PPP2R2D: variants seen among roughly 807,000 people sequenced by gnomAD.
The protein encoded by PPP2R2D is protein phosphatase 2 regulatory subunit Bdelta, also known as serine/threonine-protein phosphatase 2A 55 kDa regulatory subunit B delta isoform.
PPP2R2D carries 9 observed loss-of-function variants against 31.1 expected under a neutral mutation model. That is an observed-to-expected ratio of 0.29 (90% CI 0.17 to 0.51). The LOEUF (loss-of-function observed/expected upper bound fraction) is 0.51, where lower values mean the gene tolerates loss of function less well. Ranked by LOEUF, PPP2R2D falls within the 20% of genes least tolerant of loss-of-function variation. The pLI, the probability that PPP2R2D is intolerant of heterozygous loss-of-function variation, is 0.98. For missense variants in PPP2R2D, 391 were observed against 465.6 expected, an observed-to-expected ratio of 0.84 and a Z score of 1.48; for synonymous variants, 179 against 172.6, an observed-to-expected ratio of 1.04 and a Z score of -0.29.
chr10:131,939,125 GGC>G (rs2036396133), intron 3 of PPP2R2D, among the ~76,000 whole-genome samples: 1 of 147,616 alleles, frequency 6.8e-6, no homozygotes, highest in Non-Finnish European at 1.5e-5. Context: ...GGCTGCATTC[GGC>G]AGACCTGCTC....
intron 2 of PPP2R2D, chr10:131,912,222 T>C (rs1164809372): frequency 6.6e-6 from 1 of 152,216 alleles, no homozygotes. Context: ...AGGGTCTTAC[T>C]CCTCTGTCAC....
chr10:131,920,186 G>C (rs111558165), intron 2 of PPP2R2D, among the ~76,000 whole-genome samples: 27 of 126,018 alleles, frequency 2.1e-4, no homozygotes, highest in African/African-American at 5.6e-4. Context: ...GTAGGGACCT[G>C]ACGTGGGTGG....
At chr10:131,935,966 G>A (rs1349098996) in intron 3 of PPP2R2D, among the ~76,000 whole-genome samples, 1 of 152,000 alleles carries the variant, frequency 6.6e-6, no homozygotes, top group African/African-American at 2.4e-5. Flanking sequence ...GGGAGGCTGA[G>A]GCAGGAGAAT....
rs540375513 is a variant in PPP2R2D, at chr10:131,945,613, C to G, written c.820+154C>G. 3.0e-5 allele frequency: 24 copies of G among 801,300 alleles called. No individual in the cohort carries two copies. The African/African-American group carries it at 3.6e-4, about 12-fold the overall frequency. 49.6% of individuals were successfully genotyped at this position (801,300 alleles called of 1,614,324 possible). A position where few individuals can be genotyped will look rare whatever the true frequency, so the allele number is the denominator to read the frequency against. ...TAGCTGGGACCACAGGCAGGTGCCA[C>G]CATGCCCAGCTAGTTTTTGTATTTT... On this transcript the variant is annotated intron_variant, in intron 7 of 8. Coordinates refer to ENST00000455566, the MANE Select transcript of PPP2R2D (RefSeq NM_018461.5). The surrounding 1 kb of genome is among the most constrained non-coding windows in gnomAD (Gnocchi z 4.8).
chr10:131,963,376 C>CA (rs2036946217), downstream of PPP2R2D, among the ~76,000 whole-genome samples: 1 of 151,968 alleles, frequency 6.6e-6, no homozygotes, highest in African/African-American at 2.4e-5. Flanking sequence ...GAGGAGGTGA[C>CA]AAAGTCTTGC....
At chr10:131,946,342 C>T (rs1423259420) in intron 7 of PPP2R2D, among the ~76,000 whole-genome samples, 2 of 152,160 alleles carry the variant, frequency 1.3e-5, no homozygotes, top group Non-Finnish European at 2.9e-5. Flanking sequence ...CTGACCCTTC[C>T]TCCAGTGCCA....
chr10:131,963,430 G>A (rs145888576), downstream of PPP2R2D, among the ~76,000 whole-genome samples: 18 of 152,356 alleles, frequency 1.2e-4, no homozygotes, highest in African/African-American at 4.3e-4. Context: ...CTTGTTTCTT[G>A]GGGGGTTACT....
intron 2 of PPP2R2D, among the ~76,000 whole-genome samples, chr10:131,916,553 G>A (rs527246850): frequency 2.0e-3 from 307 of 151,994 alleles, no homozygotes; most frequent in Admixed American, 9.0e-3. Flanking sequence ...CCCTTCCCCG[G>A]CCCCTGGCGA....
intron 5 of PPP2R2D, among the ~76,000 whole-genome samples, chr10:131,943,634 C>G (rs1456645462): frequency 6.6e-6 from 1 of 152,162 alleles, no homozygotes; most frequent in Non-Finnish European, 1.5e-5. Context: ...ACTTTGCTGT[C>G]CAGCGCCTCA....
chr10:131,915,333 T>C (rs1444039319), intron 2 of PPP2R2D, among the ~76,000 whole-genome samples: 1 of 152,180 alleles, frequency 6.6e-6, no homozygotes, highest in Non-Finnish European at 1.5e-5. Context: ...TCCCGTCCTT[T>C]GCAGTAACCT....
intron 2 of PPP2R2D, among the ~76,000 whole-genome samples, chr10:131,920,697 G>A (rs1486951340): frequency 6.6e-6 from 1 of 152,208 alleles, no homozygotes; most frequent in Non-Finnish European, 1.5e-5. Flanking sequence ...GGAGGCTGAG[G>A]TGAGTGGATC....
At chr10:131,946,994 C>G (rs781899992) in intron 7 of PPP2R2D, among the ~76,000 whole-genome samples, 20 of 152,108 alleles carry the variant, frequency 1.3e-4, no homozygotes, top group Admixed American at 2.6e-4. Flanking sequence ...TCAAGGTGGT[C>G]ACTCCTGCAG....
Position 131,956,627 on chromosome 10 carries a change from T to G in PPP2R2D, c.*664T>G. The G allele has an allele frequency of 1.1e-6, 1 of 919,466 alleles. No homozygotes were observed. Among genetic ancestry groups the G allele is most frequent in the Non-Finnish European group, 1.3e-6 (1 of 769,816 alleles). 57.0% of individuals were successfully genotyped at this position (919,466 alleles called of 1,614,324 possible). A position where few individuals can be genotyped will look rare whatever the true frequency, so the allele number is the denominator to read the frequency against. ...GGGTTCTTCTTTGGAACTAACTGTT[T>G]GAGAAATGTGTGTCCTTCTTTGGCA... On this transcript the variant is annotated 3_prime_UTR_variant, in exon 9 of 9. Transcript: ENST00000455566.
intron 2 of PPP2R2D, among the ~76,000 whole-genome samples, chr10:131,928,451 G>A (rs1450741190): frequency 6.6e-6 from 1 of 152,242 alleles, no homozygotes; most frequent in Non-Finnish European, 1.5e-5. Flanking sequence ...CAATGACTCA[G>A]TAATTTTAGG....
At chr10:131,935,371 G>A (rs2036319365) in intron 3 of PPP2R2D, among the ~76,000 whole-genome samples, 1 of 152,142 alleles carries the variant, frequency 6.6e-6, no homozygotes, top group African/African-American at 2.4e-5. Context: ...AGATGAAAGG[G>A]ACAGTTTATC....
At chr10:131,936,958 G>T (rs1435175062) in intron 3 of PPP2R2D, among the ~76,000 whole-genome samples, 4 of 152,236 alleles carry the variant, frequency 2.6e-5, no homozygotes, top group African/African-American at 7.2e-5. Context: ...GGCAGTGCAC[G>T]TGTTCATCCA....
chr10:131,917,164 G>A (rs1237374621), intron 2 of PPP2R2D, among the ~76,000 whole-genome samples: 1 of 146,502 alleles, frequency 6.8e-6, no homozygotes, highest in African/African-American at 2.5e-5. Context: ...ACCTCAGGCG[G>A]GTGGAATGAC....
At chr10:131,939,875 T>A (rs2119838817) in intron 3 of PPP2R2D, 156 bp from the exon 4 acceptor site, 1 of 414,208 alleles carries the variant, frequency 2.4e-6, no homozygotes, top group South Asian at 8.5e-5. Flanking sequence ...GTTCTTTTTT[T>A]TTTTTTTTTC....
At chr10:131,948,803 CTGAA>C (rs2036588966) in intron 8 of PPP2R2D, among the ~76,000 whole-genome samples, 1 of 152,194 alleles carries the variant, frequency 6.6e-6, no homozygotes. Flanking sequence ...TTTTCAAGAG[CTGAA>C]GCCTTGGCCC....
Sources: gnomAD v4.1 joint callset for allele counts (sites outside exome capture counted in the v4.1 genomes callset) on GRCh38, gnomAD v4.1.1 for gene constraint, Gnocchi (gnomAD v3.1) non-coding constraint, MANE v1.5 for transcripts, NCBI Gene and HGNC (gene_info 2026-07-23, HGNC 2026-07-21) for gene names.